Variants in PLXNA4 observed in about 807,000 individuals in gnomAD.
PLXNA4 encodes the protein plexin-A4.
A neutral mutation model predicts 191.8 loss-of-function variants in PLXNA4; 44 were observed. The ratio of observed to expected loss-of-function variants is 0.23; its 90% CI spans 0.18 to 0.29. The LOEUF (loss-of-function observed/expected upper bound fraction) is 0.29. Ranked by LOEUF, PLXNA4 falls within the 10% of genes least tolerant of loss-of-function variation. PLXNA4 has a pLI of 1.00. For synonymous variants in PLXNA4, 1,082 were observed against 1,009.5 expected (o/e 1.07, Z -1.36); for missense variants, 1,800 against 2,488.8 (o/e 0.72, Z 5.89).
chr7:132,404,644 T>C (rs1794135487), intron 3 of PLXNA4, among the ~76,000 whole-genome samples: 1 of 152,228 alleles, frequency 6.6e-6, no homozygotes, highest in African/African-American at 2.4e-5. Flanking sequence ...ATTGGCATCC[T>C]AATGAGCAAT....
intron 4 of PLXNA4, among the ~76,000 whole-genome samples, chr7:132,271,444 A>AG (rs1219916206): frequency 2.0e-5 from 3 of 151,680 alleles, no homozygotes; most frequent in Non-Finnish European, 4.4e-5. Flanking sequence ...AAAAAAAAAA[A>AG]AAAGAAACAT....
At chr7:132,497,825 G>A (rs1253544420) in intron 2 of PLXNA4, among the ~76,000 whole-genome samples, 1 of 152,102 alleles carries the variant, frequency 6.6e-6, no homozygotes, top group East Asian at 1.9e-4. Context: ...CTGGAGTGAG[G>A]GCTCATACAC....
At chr7:132,623,249 G>C (rs1803305797) in intron 2 of PLXNA4, among the ~76,000 whole-genome samples, 1 of 152,004 alleles carries the variant, frequency 6.6e-6, no homozygotes, top group Non-Finnish European at 1.5e-5. Context: ...GGGAGACTGA[G>C]GCAGGAGAGT....
At chr7:132,169,482 T>C (rs185743285) in intron 21 of PLXNA4, among the ~76,000 whole-genome samples, 6 of 152,306 alleles carry the variant, frequency 3.9e-5, no homozygotes, top group Admixed American at 3.9e-4. Context: ...AATTGTGGTG[T>C]ATTCCACCCA....
chr7:132,138,409 G>A lies in PLXNA4; in HGVS notation c.5438+2190C>T, dbSNP rs143927113. Among the ~76,000 whole-genome samples, 282 of 152,254 alleles carry A rather than the reference G, an allele frequency of 1.9e-3. 3 individuals carry two copies. Among genetic ancestry groups the A allele is most frequent in the African/African-American group, 6.5e-3 (269 of 41,554 alleles). ...GAGATCAGGTGTGCTGTGGTCCCAGGTGAGGTCTGCCCTGCCGGACTTTAC... is the reference window on the plus strand; with the variant it reads ...GAGATCAGGTGTGCTGTGGTCCCAGATGAGGTCTGCCCTGCCGGACTTTAC... On this transcript the variant is annotated intron_variant, in intron 30 of 31. Coordinates refer to ENST00000321063, the MANE Select transcript of PLXNA4 (RefSeq NM_020911.2).
chr7:132,165,342 A>T lies in PLXNA4; in HGVS notation c.4287-142T>A, dbSNP rs187490676. ...CGTTTAGGCCAAACCTTGCGATCCT[A>T]ATGAATATGAGAGTTTCATGGACTC... On this transcript the variant is annotated intron_variant, in intron 22 of 31. Coordinates refer to ENST00000321063, the MANE Select transcript of PLXNA4 (RefSeq NM_020911.2). The T allele has an allele frequency of 4.7e-5, 60 of 1,285,596 alleles. No homozygotes were observed. In the East Asian group the frequency reaches 1.6e-3, roughly 34 times the overall value. 79.6% of individuals were successfully genotyped at this position (1,285,596 alleles called of 1,614,324 possible).
intron 3 of PLXNA4, among the ~76,000 whole-genome samples, chr7:132,318,733 C>G (rs914354520): frequency 6.8e-6 from 1 of 146,360 alleles, no homozygotes; most frequent in South Asian, 2.2e-4. Context: ...AGGGAGAAAT[C>G]GAACCCATCT....
chr7:132,459,813 G>A (rs1334161163), intron 3 of PLXNA4, among the ~76,000 whole-genome samples: 4 of 152,256 alleles, frequency 2.6e-5, no homozygotes, highest in Non-Finnish European at 5.9e-5. Context: ...ATTACCTTCC[G>A]GTTTCGATGA....
chr7:132,179,764 T>G lies in PLXNA4; in HGVS notation c.3797A>C (p.Glu1266Ala), dbSNP rs765150995. Residue 1266 changes from glutamate to alanine, a missense_variant, in exon 20 of 32, where the codon GAA becomes GCA. By Grantham distance (107) the Glu-to-Ala change is moderately radical. Coordinates refer to ENST00000321063, the MANE Select transcript of PLXNA4 (RefSeq NM_020911.2). ...CAGCCGCTTCAGCGTGAGGTCACTT[T>G]CGCGGGACTTGCGTTTATAGGCAAT... ...VLIAYKRKSR[E>A]SDLTLKRLQM... 6.2e-7 allele frequency: 1 copy of G among 1,614,140 alleles called. No homozygotes were observed. Among genetic ancestry groups the G allele is most frequent in the Admixed American group, 1.7e-5 (1 of 60,030 alleles).
intron 3 of PLXNA4, among the ~76,000 whole-genome samples, chr7:132,428,689 C>T (rs1212782200): frequency 2.0e-5 from 3 of 152,170 alleles, no homozygotes; most frequent in East Asian, 1.9e-4. Flanking sequence ...ACTGCCAAGA[C>T]ACTGCCTCCA....
intron 18 of PLXNA4, 91 bp downstream of exon 18, chr7:132,181,290 G>A (rs548841718): frequency 6.4e-7 from 1 of 1,573,016 alleles, no homozygotes; most frequent in Non-Finnish European, 8.6e-7. Flanking sequence ...TGCTGGTTGA[G>A]AAATGTGGCA....
At chr7:132,149,149 C>A (rs1795521358) in intron 25 of PLXNA4, among the ~76,000 whole-genome samples, 1 of 152,048 alleles carries the variant, frequency 6.6e-6, no homozygotes, top group South Asian at 2.1e-4. Context: ...GGTGTGTCAC[C>A]CTTGTCAGGG....
At chr7:132,245,470 AACATTGTCTTGGG>A (rs2117054785) in intron 4 of PLXNA4, among the ~76,000 whole-genome samples, 1 of 152,350 alleles carries the variant, frequency 6.6e-6, no homozygotes, top group South Asian at 2.1e-4. Context: ...GGGTCTGCAC[AACATTGTCTTGGG>A]ACATCGTCCT....
chr7:132,562,223 CCT>C (rs1449758730), intron 1 of PLXNA4, among the ~76,000 whole-genome samples: 5 of 129,154 alleles, frequency 3.9e-5, no homozygotes, highest in Non-Finnish European at 4.8e-5. Flanking sequence ...TCCTTCTCTT[CCT>C]CTTTCTCCTA....
chr7:132,159,418 G>A lies in PLXNA4; in HGVS notation c.4660+55C>T, dbSNP rs1283577842. On this transcript the variant is annotated intron_variant, in intron 25 of 31. Transcript: ENST00000321063. ...CCTGCCTCTGCTGACAGGAGAAGGT[G>A]AGGTGTGTTCAGGAGCAGCCACAAG... 6 of 1,597,702 alleles carry A rather than the reference G, an allele frequency of 3.8e-6. No individual in the cohort carries two copies. The South Asian group carries it at 5.7e-5, about 15-fold the overall frequency.
intron 3 of PLXNA4, among the ~76,000 whole-genome samples, chr7:132,401,843 T>C (rs1050227131): frequency 6.6e-6 from 1 of 152,104 alleles, no homozygotes; most frequent in African/African-American, 2.4e-5. Context: ...TCCCTGCAAA[T>C]TGCCAAGAGC....
At chr7:132,234,596 T>TTGTGTG (rs60249306) in intron 5 of PLXNA4, among the ~76,000 whole-genome samples, 29,730 of 143,998 alleles carry the variant, frequency 0.21, 3,193 homozygotes, top group Middle Eastern at 0.32. Context: ...AGCATGTGTT[T>TTGTGTG]TGTGTGTGTG....
chr7:132,369,884 C>T (rs1005683033), intron 3 of PLXNA4, among the ~76,000 whole-genome samples: 42 of 151,772 alleles, frequency 2.8e-4, no homozygotes, highest in African/African-American at 9.2e-4. Flanking sequence ...CTGGTTAACA[C>T]GGTGAAACCC....
At chr7:132,233,736 C>T (rs1441570531) in intron 5 of PLXNA4, among the ~76,000 whole-genome samples, 1 of 152,248 alleles carries the variant, frequency 6.6e-6, no homozygotes, top group Non-Finnish European at 1.5e-5. Flanking sequence ...CCAAGGCAAC[C>T]TGTCCCACCA....
Sources: gnomAD v4.1 joint callset for allele counts (sites outside exome capture counted in the v4.1 genomes callset) on GRCh38, gnomAD v4.1.1 for gene constraint, MANE v1.5 for transcripts, NCBI Gene and HGNC (gene_info 2026-07-23, HGNC 2026-07-21) for gene names.